The following ZFPM2 variants were observed in gnomAD, a reference collection of about 807,000 sequenced individuals.
The protein encoded by ZFPM2 is zinc finger protein ZFPM2.
A neutral mutation model predicts 98.6 loss-of-function variants in ZFPM2; 20 were observed. That is an observed-to-expected ratio of 0.20 (90% CI 0.14 to 0.29). ZFPM2 has a LOEUF of 0.29. ZFPM2 is among the 10% of genes least tolerant of loss of function. The pLI, the probability that ZFPM2 is intolerant of heterozygous loss-of-function variation, is 1.00. For missense variants in ZFPM2, 1,310 were observed against 1,388.6 expected (o/e 0.94, Z 0.90); for synonymous variants, 518 against 502.7 (o/e 1.03, Z -0.41).
At chr8:105,553,877 A>C (rs1466520394) in intron 3 of ZFPM2, among the ~76,000 whole-genome samples, 1 of 152,056 alleles carries the variant, frequency 6.6e-6, no homozygotes, top group Non-Finnish European at 1.5e-5. Context: ...CAGCAGGATA[A>C]GTTCATGCGC....
rs556745843 is a variant in ZFPM2 at position 105,759,087 on chromosome 8, T to C, written c.533-29631T>C. On this transcript the variant is annotated intron_variant, in intron 5 of 7. Coordinates refer to ENST00000407775, the MANE Select transcript of ZFPM2 (RefSeq NM_012082.4). Reference sequence around the variant, plus strand: ...CATATAACAATGAGTAAGCTTAGGCTCATAGAATACCATTTTATTTGCAGG... The same window carrying C: ...CATATAACAATGAGTAAGCTTAGGCCCATAGAATACCATTTTATTTGCAGG... 3.3e-5 allele frequency among the ~76,000 whole-genome samples: 5 copies of C among 152,248 alleles called. No homozygotes were observed. In the South Asian group the frequency reaches 1.0e-3, roughly 32 times the overall value.
intron 3 of ZFPM2, among the ~76,000 whole-genome samples, chr8:105,478,401 A>T (rs985227799): frequency 1.3e-5 from 2 of 152,216 alleles, no homozygotes; most frequent in Non-Finnish European, 2.9e-5. Context: ...ACTTTATAGG[A>T]ATGGAATGTG....
At chr8:105,581,923 A>C (rs1378125346) in intron 4 of ZFPM2, among the ~76,000 whole-genome samples, 2 of 152,182 alleles carry the variant, frequency 1.3e-5, no homozygotes, top group Non-Finnish European at 2.9e-5. Flanking sequence ...TTGTGATCTT[A>C]TCCCAACCTA....
intron 5 of ZFPM2, among the ~76,000 whole-genome samples, chr8:105,639,857 C>G (rs1404933023): frequency 6.6e-6 from 1 of 151,920 alleles, no homozygotes; most frequent in Admixed American, 6.6e-5. Context: ...AGATCTGTGT[C>G]ACAGAATTAG....
At chr8:105,587,427 T>A (rs1815747303) in intron 4 of ZFPM2, among the ~76,000 whole-genome samples, 1 of 152,160 alleles carries the variant, frequency 6.6e-6, no homozygotes, top group Non-Finnish European at 1.5e-5. Context: ...TATTTCTAAT[T>A]TAAAGTGTAG....
At chr8:105,733,498 A>AAAAT (rs555553640) in intron 5 of ZFPM2, among the ~76,000 whole-genome samples, 5 of 151,902 alleles carry the variant, frequency 3.3e-5, no homozygotes, top group Non-Finnish European at 5.9e-5. Context: ...TTTGTGTTTC[A>AAAAT]AAATTTTCAG....
intron 3 of ZFPM2, among the ~76,000 whole-genome samples, chr8:105,559,599 A>G (rs1213907139): frequency 6.6e-6 from 1 of 152,160 alleles, no homozygotes; most frequent in Non-Finnish European, 1.5e-5. Flanking sequence ...AAATTTTACC[A>G]TGGACACAAT....
chr8:105,591,969 G>T (rs1217255888), intron 4 of ZFPM2, among the ~76,000 whole-genome samples: 1 of 152,112 alleles, frequency 6.6e-6, no homozygotes, highest in Non-Finnish European at 1.5e-5. Context: ...GAAAAATTTG[G>T]TAAACATTTT....
chr8:105,724,134 TC>T (rs1241899096), intron 5 of ZFPM2, among the ~76,000 whole-genome samples: 3 of 151,920 alleles, frequency 2.0e-5, no homozygotes, highest in Non-Finnish European at 4.4e-5. Flanking sequence ...TATAGGTATT[TC>T]TTTCTTATAG....
chr8:105,555,420 A>T (rs1814963827), intron 3 of ZFPM2, among the ~76,000 whole-genome samples: 1 of 152,092 alleles, frequency 6.6e-6, no homozygotes, highest in South Asian at 2.1e-4. Context: ...GCTTGTTGTA[A>T]TACAAAGAGC....
intron 2 of ZFPM2, among the ~76,000 whole-genome samples, chr8:105,432,340 A>G (rs1812037438): frequency 6.6e-6 from 1 of 152,106 alleles, no homozygotes; most frequent in African/African-American, 2.4e-5. Context: ...TCATCATTAG[A>G]GTGTTTGAAC....
chr8:105,789,998 T>C (rs201623686), intron 6 of ZFPM2, among the ~76,000 whole-genome samples: 11,048 of 151,936 alleles, frequency 0.073, 462 homozygotes, highest in East Asian at 0.12. Context: ...CTTTGTCAGA[T>C]GAGTAGCTTG....
chr8:105,382,461 ATTATT>A (rs1351745655), intron 1 of ZFPM2, among the ~76,000 whole-genome samples: 1 of 152,064 alleles, frequency 6.6e-6, no homozygotes, highest in Non-Finnish European at 1.5e-5. Context: ...TTTTGTCAAT[ATTATT>A]TTCTTATTCC....
intron 3 of ZFPM2, among the ~76,000 whole-genome samples, chr8:105,460,038 G>A (rs1040324442): frequency 2.6e-5 from 4 of 152,142 alleles, no homozygotes; most frequent in African/African-American, 9.7e-5. Flanking sequence ...GTACCAGATA[G>A]CATTCCCTGG....
chr8:105,774,428 A>T (rs1234677086), intron 5 of ZFPM2, among the ~76,000 whole-genome samples: 5 of 152,346 alleles, frequency 3.3e-5, no homozygotes, highest in African/African-American at 1.2e-4. Flanking sequence ...CATCATAATA[A>T]CGTATCCCGT....
At chr8:105,670,052 ATTC>A (rs1181945048) in intron 5 of ZFPM2, 1 of 152,184 alleles carries the variant, frequency 6.6e-6, no homozygotes, top group Non-Finnish European at 1.5e-5. Context: ...GTCAAACTTT[ATTC>A]TTTTTTATAT....
At chr8:105,656,338 C>G (rs1385629973) in intron 5 of ZFPM2, among the ~76,000 whole-genome samples, 1 of 152,190 alleles carries the variant, frequency 6.6e-6, no homozygotes, top group Non-Finnish European at 1.5e-5. Context: ...TCTTCTGTAA[C>G]TTACCAGTAC....
intron 5 of ZFPM2, among the ~76,000 whole-genome samples, chr8:105,745,784 G>A (rs1812328838): frequency 6.6e-6 from 1 of 152,102 alleles, no homozygotes; most frequent in Non-Finnish European, 1.5e-5. Context: ...TTTTGAGACA[G>A]GATCTTGCTC....
intron 4 of ZFPM2, among the ~76,000 whole-genome samples, chr8:105,622,038 A>G (rs1816561937): frequency 6.6e-6 from 1 of 152,106 alleles, no homozygotes; most frequent in Non-Finnish European, 1.5e-5. Flanking sequence ...AGAGAAATCC[A>G]AAAGTAATGC....
Sources: gnomAD v4.1 joint callset for allele counts (sites outside exome capture counted in the v4.1 genomes callset) on GRCh38, gnomAD v4.1.1 for gene constraint, MANE v1.5 for transcripts, NCBI Gene and HGNC (gene_info 2026-07-23, HGNC 2026-07-21) for gene names.